ZMYND8: variants seen among roughly 807,000 people sequenced by gnomAD.
The protein encoded by ZMYND8 is MYND-type zinc finger-containing chromatin reader ZMYND8.
A neutral mutation model predicts 140.8 loss-of-function variants in ZMYND8; 37 were observed. The observed-to-expected ratio is 0.26, with a 90% CI of 0.20 to 0.35. The LOEUF (loss-of-function observed/expected upper bound fraction) is 0.35, where lower values mean the gene tolerates loss of function less well. ZMYND8 is among the 10% of genes least tolerant of loss of function. The pLI, the probability that ZMYND8 is intolerant of heterozygous loss-of-function variation, is 1.00. For synonymous variants in ZMYND8, 592 were observed against 597.1 expected (o/e 0.99, Z 0.12); for missense variants, 1,068 against 1,570.0 (o/e 0.68, Z 5.40).
intron 3 of ZMYND8, among the ~76,000 whole-genome samples, chr20:47,302,745 G>A (rs950526154): frequency 1.3e-5 from 2 of 152,156 alleles, no homozygotes; most frequent in African/African-American, 2.4e-5. Context: ...CCAGGAGAGT[G>A]TGTGTTGACT....
At chr20:47,212,801 T>G in intron 21 of ZMYND8, 76 bp from the exon 22 acceptor site, 1 of 1,368,796 alleles carries the variant, frequency 7.3e-7, no homozygotes. Context: ...GCTTACTATT[T>G]TTGTTCATCA....
Position 47,210,521 on chromosome 20 carries a change from C to A in ZMYND8, c.*240G>T. 2.4e-6 allele frequency: 1 copy of A among 409,988 alleles called. No individual in the cohort carries two copies. Among genetic ancestry groups the A allele is most frequent in the Non-Finnish European group, 4.5e-6 (1 of 223,588 alleles). 25.4% of individuals were successfully genotyped at this position (409,988 alleles called of 1,614,324 possible). ...AGTCCTCTAGATTCAATGACATCCA[C>A]AAATTGTACATTATTTACACCAAAA... On this transcript the variant is annotated 3_prime_UTR_variant, in exon 23 of 23. Transcript: ENST00000471951.
intron 19 of ZMYND8, 27 bp from the exon 20 acceptor site, chr20:47,221,501 C>G (rs1448831606): frequency 6.2e-7 from 1 of 1,610,570 alleles, no homozygotes; most frequent in Non-Finnish European, 8.5e-7. Context: ...GAGAGAGACG[C>G]CACATATACA....
intron 2 of ZMYND8, among the ~76,000 whole-genome samples, chr20:47,313,435 A>G (rs887908220): frequency 2.6e-5 from 4 of 151,562 alleles, no homozygotes; most frequent in East Asian, 1.9e-4. Flanking sequence ...ATCCTGGCTA[A>G]CATGGTGAAA....
chr20:47,258,800 G>C (rs962707975), intron 12 of ZMYND8, among the ~76,000 whole-genome samples: 1 of 152,068 alleles, frequency 6.6e-6, no homozygotes, highest in Non-Finnish European at 1.5e-5. Context: ...ACATTGCCCT[G>C]CTTGTTCTGA....
intron 9 of ZMYND8, 86 bp downstream of exon 9, chr20:47,283,485 T>C: frequency 7.2e-7 from 1 of 1,391,262 alleles, no homozygotes; most frequent in Non-Finnish European, 1.0e-6. Context: ...TTTCATCTAA[T>C]AAGCCACCTG....
chr20:47,236,926 C>T (rs2039309284), intron 15 of ZMYND8, among the ~76,000 whole-genome samples: 1 of 152,192 alleles, frequency 6.6e-6, no homozygotes. Context: ...TGTTTAACTT[C>T]CCTGACTCTA....
At position 47,210,503 on chromosome 20, in the gene ZMYND8, T is replaced by C. The variant is rs892549831; in HGVS notation, c.*258A>G. ...CAAATATAAAAAGGGGAAAGTCCTC[T>C]AGATTCAATGACATCCACAAATTGT... On this transcript the variant is annotated 3_prime_UTR_variant, in exon 23 of 23. Transcript: ENST00000471951. 1.9e-5 allele frequency: 7 copies of C among 374,858 alleles called. No individual in the cohort carries two copies. The highest frequency in any genetic ancestry group is 3.4e-5 in the Non-Finnish European group (7 of 203,032). The allele number at this position is 374,858 out of a possible 1,614,324, so 23.2% of individuals were successfully genotyped here.
intron 2 of ZMYND8, among the ~76,000 whole-genome samples, chr20:47,342,846 C>CAAAAAAAAAAAAA (rs1041501318): frequency 8.0e-5 from 6 of 75,002 alleles, no homozygotes; most frequent in African/African-American, 1.7e-4. Flanking sequence ...GACTACATCT[C>CAAAAAAAAAAAAA]AAAAAAAAAA....
chr20:47,317,127 C>CT lies in ZMYND8; in HGVS notation c.86-6924dup, dbSNP rs565403068. Among the ~76,000 whole-genome samples, 842 of 152,260 alleles carry CT rather than the reference C, an allele frequency of 5.5e-3. 6 individuals are homozygous for CT. Among genetic ancestry groups the CT allele is most frequent in the African/African-American group, 0.019 (807 of 41,538 alleles). On this transcript the variant is annotated intron_variant, in intron 2 of 22. Transcript: ENST00000471951. ...ATTTAAGAGCACACTCTCATTTTGC[C>CT]TTTTTTCCCCTAAACTGCAGATGGA...
chr20:47,319,125 G>C, intron 2 of ZMYND8: 3 of 1,070,250 alleles, frequency 2.8e-6, no homozygotes, highest in Non-Finnish European at 3.8e-6. Flanking sequence ...GGCCAGCCCC[G>C]GTCTTGTACG....
At chr20:47,306,237 T>TA (rs917442616) in intron 3 of ZMYND8, among the ~76,000 whole-genome samples, 2 of 151,108 alleles carry the variant, frequency 1.3e-5, no homozygotes, top group African/African-American at 4.9e-5. Flanking sequence ...TATAACAAAA[T>TA]AAAAAAAACT....
intron 2 of ZMYND8, among the ~76,000 whole-genome samples, chr20:47,334,166 T>A (rs1198154956): frequency 6.6e-6 from 1 of 152,132 alleles, no homozygotes; most frequent in East Asian, 1.9e-4. Flanking sequence ...GTATAGATTG[T>A]TTGTTTACCC....
chr20:47,321,834 G>C (rs968200541), intron 2 of ZMYND8, among the ~76,000 whole-genome samples: 1 of 148,698 alleles, frequency 6.7e-6, no homozygotes, highest in Non-Finnish European at 1.5e-5. Context: ...TACAAATATC[G>C]ATTTATTTAA....
chr20:47,212,777 G>T, intron 21 of ZMYND8, 52 bp from the exon 22 acceptor site: 1 of 1,506,500 alleles, frequency 6.6e-7, no homozygotes, highest in Non-Finnish European at 9.0e-7. Context: ...CTGGAATTCC[G>T]CACAACCCCA....
In ZMYND8 at chr20:47,333,450, G is replaced by C. The variant is rs2081115318; in HGVS notation, c.85+14406C>G. 2.0e-5 allele frequency among the ~76,000 whole-genome samples: 3 copies of C among 151,934 alleles called. No individual in the cohort carries two copies. The South Asian group carries it at 6.2e-4, about 32-fold the overall frequency. On this transcript the variant is annotated intron_variant, in intron 2 of 22. Coordinates refer to ENST00000471951, the MANE Select transcript of ZMYND8 (RefSeq NM_001281775.3). The stretch of plus-strand genomic sequence containing the variant: ...ACCCCGTCTCTACTAAAAATACATG[G>C]CAGGGCACAGTGGCTCTCATCTGTA...
At chr20:47,326,458 TAAAAA>T (rs2080426385) in intron 2 of ZMYND8, among the ~76,000 whole-genome samples, 2 of 151,952 alleles carry the variant, frequency 1.3e-5, no homozygotes, top group African/African-American at 4.8e-5. Flanking sequence ...GTTCAAAAAA[TAAAAA>T]TAAAAGAGGC....
chr20:47,316,209 T>C (rs2079383269), intron 2 of ZMYND8, among the ~76,000 whole-genome samples: 1 of 151,608 alleles, frequency 6.6e-6, no homozygotes, highest in East Asian at 1.9e-4. Flanking sequence ...TGAGCACCTA[T>C]AATCCCAGCT....
chr20:47,213,201 T>G (rs1240069919), intron 21 of ZMYND8, among the ~76,000 whole-genome samples: 1 of 152,064 alleles, frequency 6.6e-6, no homozygotes, highest in Non-Finnish European at 1.5e-5. Flanking sequence ...TGAGGAGGAC[T>G]AAGGAAGGGG....
Sources: gnomAD v4.1 joint callset for allele counts (sites outside exome capture counted in the v4.1 genomes callset) on GRCh38, gnomAD v4.1.1 for gene constraint, MANE v1.5 for transcripts, NCBI Gene and HGNC (gene_info 2026-07-23, HGNC 2026-07-21) for gene names.